MID1: variants seen among roughly 807,000 people sequenced by gnomAD.
The protein encoded by MID1 is midline 1.
Under a neutral mutation model 40.4 loss-of-function variants are expected in MID1, and 7 were observed. The observed-to-expected ratio is 0.17, with a 90% confidence interval of 0.10 to 0.33. The LOEUF (loss-of-function observed/expected upper bound fraction) is 0.33, where lower values mean the gene tolerates loss of function less well. Among genes scored for constraint, MID1 ranks in the 10% least tolerant of loss-of-function variants. MID1 has a pLI of 1.00. For missense variants in MID1, 367 were observed against 558.5 expected, an observed-to-expected ratio of 0.66 and a Z score of 3.46; for synonymous variants, 229 against 221.2, an observed-to-expected ratio of 1.04 and a Z score of -0.31.
intron 3 of MID1, among the ~76,000 whole-genome samples, chrX:10,522,778 G>A (rs1362429035): frequency 8.9e-6 from 1 of 111,741 alleles, no homozygotes; most frequent in Non-Finnish European, 1.9e-5. Flanking sequence ...TTACAGGCGT[G>A]AGCCACCACG....
At chrX:10,527,905 A>G (rs191634431) in intron 2 of MID1, among the ~76,000 whole-genome samples, 13 of 111,410 alleles carry the variant, frequency 1.2e-4, no homozygotes, top group Non-Finnish European at 2.1e-4. Context: ...TGCTTCCTGG[A>G]TCACCTCCCA....
In MID1 at chrX:10,567,597, C is replaced by T. The variant is rs760533854; in HGVS notation, c.-50G>A. ...ATCAGCAAAACCCAAGGAAGCTGAT[C>T]AGCTATCTGGAAACAAGAATGTAAG... On this transcript the variant is annotated 5_prime_UTR_variant, in exon 2 of 10. Transcript: ENST00000317552. 1.3e-5 allele frequency: 16 copies of T among 1,192,058 alleles called. No individual in the cohort carries two copies. The Admixed American group carries it at 3.3e-4, about 24-fold the overall frequency.
intron 1 of MID1, among the ~76,000 whole-genome samples, chrX:10,575,257 T>C (rs112623955): frequency 0.011 from 1,218 of 112,009 alleles, 15 homozygotes; most frequent in African/African-American, 0.037. Context: ...GGTGAAATAT[T>C]TTTTAAAGAC....
At chrX:10,455,914 G>GTCATAGT (rs1449142395) in intron 8 of MID1, among the ~76,000 whole-genome samples, 1 of 112,024 alleles carries the variant, frequency 8.9e-6, no homozygotes, top group Non-Finnish European at 1.9e-5. Context: ...TGGACATTTT[G>GTCATAGT]TCATAGTTGT....
Position 10,567,426 on chromosome X carries a change from T to C in MID1, c.122A>G (p.His41Arg), listed in dbSNP as rs747064197. 2.5e-6 allele frequency: 3 copies of C among 1,210,751 alleles called. No individual in the cohort carries two copies. The highest frequency in any genetic ancestry group is 4.3e-5 in the Admixed American group (2 of 46,010). ...CTCCACAGACTCGTTGGTGGCACAGTGTGATACTAGGATGCGGTGGGCGCA... is the reference window on the plus strand; with the variant it reads ...CTCCACAGACTCGTTGGTGGCACAGCGTGATACTAGGATGCGGTGGGCGCA... The part of the protein sequence containing the change: ...FNCAHRILVS[H>R]CATNESVESI... The change falls in exon 2 of 10, where the codon CAC becomes CGC. Residue 41 changes from histidine (H) to arginine (R), a missense_variant. This residue lies in a region of MID1 where 78 missense variants were observed against 112.6 expected (regional missense o/e 0.69). Coordinates refer to ENST00000317552, the MANE Select transcript of MID1 (RefSeq NM_000381.4).
At chrX:10,572,247 A>C (rs1026375933) in intron 1 of MID1, among the ~76,000 whole-genome samples, 2 of 108,497 alleles carry the variant, frequency 1.8e-5, no homozygotes, top group Non-Finnish European at 3.8e-5. Context: ...ATTGTTATTT[A>C]TATCATTAAT....
intron 1 of MID1, among the ~76,000 whole-genome samples, chrX:10,707,697 CAT>C (rs2043240600): frequency 8.9e-6 from 1 of 112,289 alleles, no homozygotes; most frequent in African/African-American, 3.2e-5. Context: ...TGAATAGACA[CAT>C]TTTTAATCTG....
At chrX:10,453,479 T>C (rs1306021728) in intron 9 of MID1, among the ~76,000 whole-genome samples, 1 of 112,277 alleles carries the variant, frequency 8.9e-6, no homozygotes, top group African/African-American at 3.2e-5. Flanking sequence ...TACACTGTCA[T>C]AAACCCTAGA....
At chrX:10,613,804 G>A (rs1159526646) in intron 1 of MID1, among the ~76,000 whole-genome samples, 2 of 97,760 alleles carry the variant, frequency 2.0e-5, no homozygotes, top group Admixed American at 2.3e-4. Context: ...GAGAGACTAT[G>A]TGTATATAAA....
chrX:10,758,423 A>C (rs1335030702), intron 1 of MID1, among the ~76,000 whole-genome samples: 1 of 108,862 alleles, frequency 9.2e-6, no homozygotes, highest in East Asian at 2.8e-4. Flanking sequence ...CAGGTCTCCA[A>C]ATGACTCCAT....
intron 2 of MID1, among the ~76,000 whole-genome samples, chrX:10,543,110 A>G (rs1198389347): frequency 1.8e-5 from 2 of 112,354 alleles, no homozygotes; most frequent in African/African-American, 6.5e-5. Context: ...ACAATATTCA[A>G]CTTTGGAACA....
intron 8 of MID1, among the ~76,000 whole-genome samples, chrX:10,457,867 C>T (rs1451748026): frequency 5.3e-5 from 6 of 112,801 alleles, no homozygotes; most frequent in Non-Finnish European, 1.1e-4. Flanking sequence ...GCTGTTCCTT[C>T]TGCATGGAAC....
intron 1 of MID1, among the ~76,000 whole-genome samples, chrX:10,643,919 A>G (rs1936233219): frequency 9.1e-6 from 1 of 110,255 alleles, no homozygotes; most frequent in East Asian, 2.9e-4. Flanking sequence ...AAAACCAAAC[A>G]CCATATGTTC....
At chrX:10,509,379 G>A (rs1289472703) in intron 3 of MID1, among the ~76,000 whole-genome samples, 1 of 111,771 alleles carries the variant, frequency 8.9e-6, no homozygotes, top group Non-Finnish European at 1.9e-5. Flanking sequence ...GTTTTCCCAA[G>A]CCTGATTCAA....
chrX:10,480,943 C>T (rs1930286522), intron 5 of MID1, among the ~76,000 whole-genome samples: 2 of 112,346 alleles, frequency 1.8e-5, no homozygotes, highest in Admixed American at 1.9e-4. Flanking sequence ...GCACAAGTTT[C>T]CGAAACAAGC....
At chrX:10,807,498 G>T (rs751825108) in intron 1 of MID1, among the ~76,000 whole-genome samples, 1 of 111,546 alleles carries the variant, frequency 9.0e-6, no homozygotes, top group South Asian at 3.8e-4. Flanking sequence ...CCACTTCCAA[G>T]ATCACTCAGG....
chrX:10,622,710 T>G (rs1017176642), upstream of MID1, among the ~76,000 whole-genome samples: 10 of 111,041 alleles, frequency 9.0e-5, no homozygotes, highest in African/African-American at 3.3e-4. Flanking sequence ...GAGAAATAAT[T>G]GTCTGTTGTT....
chrX:10,708,012 C>T (rs2043242654), intron 1 of MID1, among the ~76,000 whole-genome samples: 1 of 112,377 alleles, frequency 8.9e-6, no homozygotes, highest in Non-Finnish European at 1.9e-5. Flanking sequence ...ATAAATGTAC[C>T]GTGTTGGTAG....
At chrX:10,642,885 A>G (rs1936217099) in intron 1 of MID1, among the ~76,000 whole-genome samples, 1 of 111,195 alleles carries the variant, frequency 9.0e-6, no homozygotes, top group Non-Finnish European at 1.9e-5. Flanking sequence ...CTGATCTTTG[A>G]CAAACCTGAC....
Sources: gnomAD v4.1 joint callset for allele counts (sites outside exome capture counted in the v4.1 genomes callset) on GRCh38, gnomAD v4.1.1 for gene constraint, gnomAD v4.1.1 regional missense constraint, MANE v1.5 for transcripts, NCBI Gene and HGNC (gene_info 2026-07-23, HGNC 2026-07-21) for gene names.